PPARGC1A: variants seen among roughly 807,000 people sequenced by gnomAD.
PPARGC1A encodes PPARG coactivator 1 alpha, also known as peroxisome proliferator-activated receptor gamma coactivator 1-alpha.
PPARGC1A carries 25 observed loss-of-function variants against 88.7 expected under a neutral mutation model. The observed-to-expected ratio is 0.28, with a 90% CI of 0.21 to 0.39. The LOEUF is 0.39. Among genes scored for constraint, PPARGC1A ranks in the 10% least tolerant of loss-of-function variants. The probability of loss-of-function intolerance (pLI) is 1.00; values close to 1 mark genes in which losing one functional copy is unlikely to be tolerated. For missense variants in PPARGC1A, 880 were observed against 968.7 expected, an observed-to-expected ratio of 0.91 and a Z score of 1.22; for synonymous variants, 363 against 355.6, an observed-to-expected ratio of 1.02 and a Z score of -0.24.
chr4:24,178,744 C>A, the PPARGC1A span, among the ~76,000 whole-genome samples: 3 of 152,234 alleles, frequency 2.0e-5, no homozygotes, highest in East Asian at 1.9e-4. Flanking sequence ...AGCTTTGTTG[C>A]GAATGCTAAA....
At chr4:24,094,837 T>A in the PPARGC1A span, among the ~76,000 whole-genome samples, 6 of 152,136 alleles carry the variant, frequency 3.9e-5, no homozygotes, top group Non-Finnish European at 8.8e-5. Flanking sequence ...CTTTGTTGGA[T>A]GTTTTAATTA....
chr4:23,845,278 A>G (rs1243082405), intron 2 of PPARGC1A, among the ~76,000 whole-genome samples: 1 of 152,080 alleles, frequency 6.6e-6, no homozygotes, highest in Non-Finnish European at 1.5e-5. Flanking sequence ...TGAGTTCTCT[A>G]TAAGATAGTA....
At chr4:24,185,462 T>C in the PPARGC1A span, among the ~76,000 whole-genome samples, 78 of 152,272 alleles carry the variant, frequency 5.1e-4, no homozygotes, top group African/African-American at 1.7e-3. Context: ...ATCTATAAAA[T>C]TGCAGTATTC....
the PPARGC1A span, among the ~76,000 whole-genome samples, chr4:24,176,585 C>T: frequency 3.3e-5 from 5 of 152,132 alleles, no homozygotes; most frequent in Non-Finnish European, 7.3e-5. Context: ...CATTGAAAAA[C>T]ATGTTTCCTG....
chr4:24,422,246 C>A, the PPARGC1A span, among the ~76,000 whole-genome samples: 1 of 152,136 alleles, frequency 6.6e-6, no homozygotes, highest in South Asian at 2.1e-4. Flanking sequence ...GCTCATGAAG[C>A]CTATAATATT....
the PPARGC1A span, among the ~76,000 whole-genome samples, chr4:23,946,667 C>A: frequency 1.3e-5 from 2 of 152,152 alleles, no homozygotes; most frequent in African/African-American, 4.8e-5. Context: ...ATCCTGCTAC[C>A]AAAGTGTAGC....
chr4:24,056,942 A>T, the PPARGC1A span, among the ~76,000 whole-genome samples: 1 of 152,214 alleles, frequency 6.6e-6, no homozygotes, highest in South Asian at 2.1e-4. Context: ...AGCAATTCCA[A>T]TTCCAGGTAT....
chr4:23,881,317 T>C (rs1715883031), intron 2 of PPARGC1A: 1 of 152,202 alleles, frequency 6.6e-6, no homozygotes, highest in African/African-American at 2.4e-5. Flanking sequence ...CACCTGCATT[T>C]ACACATCCAA....
the PPARGC1A span, among the ~76,000 whole-genome samples, chr4:24,090,181 A>T: frequency 1.3e-5 from 2 of 152,222 alleles, no homozygotes; most frequent in African/African-American, 4.8e-5. Context: ...CAAAAATCCA[A>T]AAGTCACATT....
the PPARGC1A span, among the ~76,000 whole-genome samples, chr4:24,445,413 A>G: frequency 6.6e-6 from 1 of 152,178 alleles, no homozygotes; most frequent in Non-Finnish European, 1.5e-5. Context: ...CTTTTTGTCT[A>G]TTCTGATGAC....
the PPARGC1A span, among the ~76,000 whole-genome samples, chr4:23,941,701 A>T: frequency 3.3e-5 from 5 of 152,250 alleles, no homozygotes; most frequent in East Asian, 9.7e-4. Flanking sequence ...GGGGTCATGA[A>T]CAGTCCTAGG....
At chr4:23,837,082 C>G (rs1223714340) in intron 2 of PPARGC1A, among the ~76,000 whole-genome samples, 4 of 152,162 alleles carry the variant, frequency 2.6e-5, no homozygotes, top group Admixed American at 6.5e-5. Context: ...CTCGCTTGAT[C>G]TCTGTTTGAT....
intron 2 of PPARGC1A, among the ~76,000 whole-genome samples, chr4:23,869,996 G>C (rs572302720): frequency 6.6e-6 from 1 of 152,306 alleles, no homozygotes; most frequent in East Asian, 1.9e-4. Context: ...ATTTTTAAGG[G>C]AAGATGTAAT....
chr4:23,913,257 TATATATATATAGAGAGAG>T, the PPARGC1A span, among the ~76,000 whole-genome samples: 18 of 46,104 alleles, frequency 3.9e-4, no homozygotes, highest in African/African-American at 1.3e-3. Context: ...TATATATATA[TATATATATATAGAGAGAG>T]AGAGAGAGAG....
At chr4:24,430,974 A>T in the PPARGC1A span, among the ~76,000 whole-genome samples, 3 of 151,986 alleles carry the variant, frequency 2.0e-5, no homozygotes, top group Non-Finnish European at 2.9e-5. Context: ...ATACCAAAAA[A>T]GTAGCCAGGT....
the PPARGC1A span, among the ~76,000 whole-genome samples, chr4:24,362,417 A>G: frequency 0.98 from 149,268 of 152,192 alleles, 73,267 homozygotes; most frequent in East Asian, 1. Context: ...TCAGAGATCT[A>G]CACTTAGGAT....
chr4:24,102,886 A>G, the PPARGC1A span, among the ~76,000 whole-genome samples: 7 of 152,186 alleles, frequency 4.6e-5, no homozygotes, highest in Non-Finnish European at 8.8e-5. Flanking sequence ...CCCACTGAAA[A>G]CAACACTGCG....
At chr4:24,073,609 A>G in the PPARGC1A span, among the ~76,000 whole-genome samples, 2 of 152,248 alleles carry the variant, frequency 1.3e-5, no homozygotes, top group African/African-American at 4.8e-5. Context: ...GATGGTGACA[A>G]TGATGACAAT....
chr4:24,310,877 T>C, the PPARGC1A span, among the ~76,000 whole-genome samples: 1 of 152,102 alleles, frequency 6.6e-6, no homozygotes, highest in Non-Finnish European at 1.5e-5. Flanking sequence ...ACCTCACAGC[T>C]GGCTTAAATG....
Sources: allele counts gnomAD v4.1 joint callset (sites outside exome capture counted in the v4.1 genomes callset), GRCh38; gene constraint gnomAD v4.1.1; transcripts MANE v1.5; gene names NCBI Gene and HGNC (gene_info 2026-07-23, HGNC 2026-07-21).